The following HAVCR1 variants were observed in gnomAD, a reference collection of about 807,000 sequenced individuals.
The protein encoded by HAVCR1 is hepatitis A virus cellular receptor 1.
HAVCR1 carries 34 observed loss-of-function variants against 32.0 expected under a neutral mutation model. The observed-to-expected ratio is 1.06, with a 90% CI of 0.81 to 1.42. HAVCR1 has a LOEUF of 1.42. Among genes scored for constraint, HAVCR1 ranks in the 40% most tolerant of loss-of-function variants. The pLI is 0.00. For synonymous variants in HAVCR1, 178 were observed against 170.3 expected, an observed-to-expected ratio of 1.05 and a Z score of -0.35; for missense variants, 420 against 442.3, an observed-to-expected ratio of 0.95 and a Z score of 0.45.
At chr5:157,049,957 C>T (rs555827281) in intron 4 of HAVCR1, among the ~76,000 whole-genome samples, 2 of 152,294 alleles carry the variant, frequency 1.3e-5, no homozygotes, top group East Asian at 3.9e-4. Context: ...AGATATCTCA[C>T]CTTATTTGCA....
chr5:157,035,139 A>G (rs1300695002), intron 7 of HAVCR1, among the ~76,000 whole-genome samples: 1 of 152,122 alleles, frequency 6.6e-6, no homozygotes, highest in Non-Finnish European at 1.5e-5. Context: ...CACATAATAA[A>G]TATGTATTCA....
intron 2 of HAVCR1, among the ~76,000 whole-genome samples, chr5:157,057,046 G>A (rs1226235179): frequency 6.6e-6 from 1 of 152,052 alleles, no homozygotes; most frequent in Non-Finnish European, 1.5e-5. Context: ...GCCAGGCGCG[G>A]TGACTCACGC....
At chr5:157,044,586 G>GAAAGAAA (rs1755189783) in intron 5 of HAVCR1, among the ~76,000 whole-genome samples, 1 of 56,344 alleles carries the variant, frequency 1.8e-5, no homozygotes, top group Non-Finnish European at 3.2e-5. Context: ...AAAGAAAGAA[G>GAAAGAAA]GAAAGAAAGA....
At chr5:157,042,251 G>A (rs1470060415) in intron 6 of HAVCR1, among the ~76,000 whole-genome samples, 1 of 151,366 alleles carries the variant, frequency 6.6e-6, no homozygotes, top group Non-Finnish European at 1.5e-5. Context: ...GACTATCCTG[G>A]CTAACACGGT....
intron 6 of HAVCR1, among the ~76,000 whole-genome samples, chr5:157,039,417 C>T (rs2113520126): frequency 6.6e-6 from 1 of 152,298 alleles, no homozygotes; most frequent in East Asian, 1.9e-4. Context: ...GGTGCAATCT[C>T]GGCTCACTGC....
chr5:157,029,740 G>A lies in HAVCR1; in HGVS notation c.1088C>T (p.Thr363Met), dbSNP rs200614570. 24 of 1,612,598 alleles carry A rather than the reference G, an allele frequency of 1.5e-5. No homozygotes were observed. The highest frequency in any genetic ancestry group is 1.3e-4 in the East Asian group (6 of 44,850). ...NIYIENSLYA[T>M]D ...AAAGAGCACCACTGGGTCTTAGTCC[G>A]TGGCATAAAGACTATTCTCAATGTA... Residue 363 changes from threonine (T) to methionine (M), a missense_variant, in exon 9 of 9, where the codon ACG (threonine) becomes ATG (methionine). Coordinates refer to ENST00000523175, the MANE Select transcript of HAVCR1 (RefSeq NM_001173393.3).
At chr5:157,057,148 C>T (rs1161672691) in intron 2 of HAVCR1, among the ~76,000 whole-genome samples, 2 of 151,792 alleles carry the variant, frequency 1.3e-5, no homozygotes, top group African/African-American at 4.8e-5. Context: ...AACCTTGTCT[C>T]TACTAAAAAT....
chr5:157,032,734 A>C, intron 8 of HAVCR1, 120 bp downstream of exon 8: 1 of 701,496 alleles, frequency 1.4e-6, no homozygotes, highest in East Asian at 2.6e-5. Context: ...ATTGCTCATT[A>C]AAGTGGACTG....
chr5:157,054,823 G>T (rs190696121), intron 3 of HAVCR1, among the ~76,000 whole-genome samples: 1 of 152,030 alleles, frequency 6.6e-6, no homozygotes, highest in Non-Finnish European at 1.5e-5. Flanking sequence ...CATTGTATTC[G>T]GTGTTATAAG....
At chr5:157,044,838 C>T (rs556331397) in intron 5 of HAVCR1, among the ~76,000 whole-genome samples, 49 of 33,702 alleles carry the variant, frequency 1.5e-3, no homozygotes, top group South Asian at 9.3e-3. Context: ...CAGCACGGAC[C>T]GGAGTCAATA....
chr5:157,048,377 A>G (rs1317228749), intron 5 of HAVCR1, among the ~76,000 whole-genome samples: 2 of 152,222 alleles, frequency 1.3e-5, no homozygotes, highest in African/African-American at 2.4e-5. Flanking sequence ...CACATAAGCT[A>G]TCTGTGCAGT....
chr5:157,040,616 G>A (rs377479667), intron 6 of HAVCR1, among the ~76,000 whole-genome samples: 3 of 152,046 alleles, frequency 2.0e-5, no homozygotes, highest in South Asian at 4.1e-4. Context: ...GATTATTCTC[G>A]GGCCAGCTGC....
intron 1 of HAVCR1, chr5:157,058,210 C>G (rs1756340420): frequency 2.4e-6 from 1 of 425,128 alleles, no homozygotes; most frequent in South Asian, 3.2e-5. Context: ...CAGCTTCTTC[C>G]CCACACATAA....
chr5:157,061,121 C>T (rs1756481099), upstream of HAVCR1, among the ~76,000 whole-genome samples: 1 of 152,098 alleles, frequency 6.6e-6, no homozygotes, highest in Non-Finnish European at 1.5e-5. Flanking sequence ...TGGGCTGGAA[C>T]TCCTGGCCTC....
At chr5:157,057,752 C>T (rs1369865241) in intron 2 of HAVCR1, 146 bp downstream of exon 2, 1 of 655,976 alleles carries the variant, frequency 1.5e-6, no homozygotes. Context: ...GTCCTGCTCA[C>T]TAGTTAACTC....
At chr5:157,057,845 CT>C in intron 2 of HAVCR1, 52 bp downstream of exon 2, 1 of 1,348,098 alleles carries the variant, frequency 7.4e-7, no homozygotes, top group South Asian at 1.2e-5. Flanking sequence ...CATTCTCTGG[CT>C]TCTAACCCCC....
At chr5:157,057,820 C>G (rs1280430296) in intron 2 of HAVCR1, 78 bp downstream of exon 2, 8 of 1,016,196 alleles carry the variant, frequency 7.9e-6, no homozygotes, top group Non-Finnish European at 1.3e-5. Context: ...ACCATCCCCT[C>G]CCCTTCCCCT....
intron 5 of HAVCR1, among the ~76,000 whole-genome samples, chr5:157,048,249 G>T (rs1755524886): frequency 6.6e-6 from 1 of 152,174 alleles, no homozygotes; most frequent in Admixed American, 6.5e-5. Flanking sequence ...CAGAGGGCTG[G>T]ATTTAATTGT....
At chr5:157,068,986 C>A in the HAVCR1 span, among the ~76,000 whole-genome samples, 1 of 152,218 alleles carries the variant, frequency 6.6e-6, no homozygotes, top group Admixed American at 6.5e-5. Flanking sequence ...TTACACAATA[C>A]CCATCTTACA....
Sources: allele counts gnomAD v4.1 joint callset (sites outside exome capture counted in the v4.1 genomes callset), GRCh38; gene constraint gnomAD v4.1.1; transcripts MANE v1.5; gene names NCBI Gene and HGNC (gene_info 2026-07-23, HGNC 2026-07-21).